The following WDFY2 variants were observed in gnomAD, a reference collection of about 807,000 sequenced individuals.
The protein encoded by WDFY2 is WD repeat and FYVE domain containing 2.
A neutral mutation model predicts 56.4 loss-of-function variants in WDFY2; 36 were observed. That is an observed-to-expected ratio of 0.64 (90% CI 0.49 to 0.84). The LOEUF (loss-of-function observed/expected upper bound fraction) is 0.84, where lower values mean the gene tolerates loss of function less well. WDFY2 is among the 40% of genes least tolerant of loss of function. WDFY2 has a pLI of 0.00. For missense variants in WDFY2, 444 were observed against 512.2 expected, an observed-to-expected ratio of 0.87 and a Z score of 1.29; for synonymous variants, 176 against 183.7, an observed-to-expected ratio of 0.96 and a Z score of 0.34.
intron 7 of WDFY2, 41 bp from the exon 8 acceptor site, chr13:51,751,269 T>C: frequency 6.3e-7 from 1 of 1,595,970 alleles, no homozygotes; most frequent in South Asian, 1.1e-5. Flanking sequence ...GCCTTGCATT[T>C]GTTCTCCTAA....
intron 1 of WDFY2, among the ~76,000 whole-genome samples, chr13:51,651,849 T>G (rs1435796406): frequency 6.6e-6 from 1 of 152,182 alleles, no homozygotes; most frequent in Non-Finnish European, 1.5e-5. Context: ...ATAGGTGTGG[T>G]GTGGTGCTGA....
intron 1 of WDFY2, among the ~76,000 whole-genome samples, chr13:51,624,391 G>A (rs1175577766): frequency 6.6e-6 from 1 of 152,158 alleles, no homozygotes; most frequent in Non-Finnish European, 1.5e-5. Flanking sequence ...CAAGAGTCTT[G>A]TGTGTTGAGT....
chr13:51,731,092 A>G (rs1051076674), intron 6 of WDFY2, among the ~76,000 whole-genome samples: 8 of 152,224 alleles, frequency 5.3e-5, no homozygotes, highest in African/African-American at 1.9e-4. Flanking sequence ...ACAGTGGGAA[A>G]ACAAGGAATG....
At chr13:51,754,530 T>C (rs1362340113) in intron 8 of WDFY2, among the ~76,000 whole-genome samples, 1 of 152,376 alleles carries the variant, frequency 6.6e-6, no homozygotes, top group East Asian at 1.9e-4. Flanking sequence ...TTTGCCCTTT[T>C]GGAGACAGAG....
intron 3 of WDFY2, among the ~76,000 whole-genome samples, chr13:51,693,154 T>G (rs1375387686): frequency 6.6e-6 from 1 of 152,204 alleles, no homozygotes; most frequent in South Asian, 2.1e-4. Context: ...AGCTCCTGGA[T>G]TCATTAATTT....
At chr13:51,643,566 T>C (rs1955214507) in intron 1 of WDFY2, among the ~76,000 whole-genome samples, 1 of 152,196 alleles carries the variant, frequency 6.6e-6, no homozygotes, top group East Asian at 1.9e-4. Context: ...AACACTCTCA[T>C]ATTGTTGAAT....
rs1326500746 is a variant in WDFY2 at position 51,718,382 on chromosome 13, A to G, written c.335-816A>G. On this transcript the variant is annotated intron_variant, in intron 4 of 11. Transcript: ENST00000298125. ...CATTTGGTAACTGAGAAGCTGTAAG[A>G]CCTCAGCCAAACTACTCCACCTCAT... is the stretch of plus-strand genomic sequence containing the variant. Among the ~76,000 whole-genome samples, 3 of 152,110 alleles carry G rather than the reference A, an allele frequency of 2.0e-5. No individual in the cohort carries two copies. In the South Asian group the frequency reaches 6.2e-4, roughly 31 times the overall value.
At chr13:51,737,523 A>C (rs1007241353) in intron 6 of WDFY2, among the ~76,000 whole-genome samples, 1 of 123,598 alleles carries the variant, frequency 8.1e-6, no homozygotes, top group South Asian at 2.8e-4. Context: ...TAGAGCTTCT[A>C]TTCTACTGGG....
intron 6 of WDFY2, among the ~76,000 whole-genome samples, chr13:51,737,551 T>TAAAAAAAAAAAAAAAAA (rs67418551): frequency 1.9e-5 from 1 of 53,246 alleles, no homozygotes; most frequent in Admixed American, 2.2e-4. Context: ...ACAATGAATT[T>TAAAAAAAAAAAAAAAAA]AAAAAAAAAA....
intron 1 of WDFY2, among the ~76,000 whole-genome samples, chr13:51,648,244 C>T (rs1230480254): frequency 1.3e-5 from 2 of 152,152 alleles, no homozygotes; most frequent in African/African-American, 4.8e-5. Context: ...ATAGTTCCCT[C>T]CCATCATCTT....
chr13:51,659,578 C>T (rs897829749), intron 1 of WDFY2, among the ~76,000 whole-genome samples: 1 of 152,110 alleles, frequency 6.6e-6, no homozygotes, highest in Admixed American at 6.5e-5. Flanking sequence ...AATTCATGGT[C>T]GGGCCTTTTT....
At chr13:51,753,115 G>A (rs1953274592) in intron 8 of WDFY2, 1 of 152,266 alleles carries the variant, frequency 6.6e-6, no homozygotes, top group Non-Finnish European at 1.5e-5. Context: ...CCCAGTGAAG[G>A]ATTGAGGGAG....
chr13:51,665,146 G>T (rs1216604801), intron 2 of WDFY2, among the ~76,000 whole-genome samples: 1 of 152,224 alleles, frequency 6.6e-6, no homozygotes, highest in Non-Finnish European at 1.5e-5. Context: ...TCTCTATAGA[G>T]AATTTGGGGA....
intron 4 of WDFY2, among the ~76,000 whole-genome samples, chr13:51,707,400 C>G (rs1015355482): frequency 6.6e-5 from 10 of 152,182 alleles, no homozygotes; most frequent in Admixed American, 5.9e-4. Flanking sequence ...CTCAAGCAAT[C>G]CACCAACCTT....
chr13:51,684,084 A>G (rs764617336), intron 3 of WDFY2, among the ~76,000 whole-genome samples: 52 of 152,190 alleles, frequency 3.4e-4, no homozygotes, highest in Admixed American at 2.4e-3. Flanking sequence ...TTTTATAAAT[A>G]TGTACTCATT....
chr13:51,610,234 T>G (rs1954470643), intron 1 of WDFY2, among the ~76,000 whole-genome samples: 1 of 149,384 alleles, frequency 6.7e-6, no homozygotes. Flanking sequence ...CCAAACTTAT[T>G]TGACTGTTTT....
intron 4 of WDFY2, among the ~76,000 whole-genome samples, chr13:51,707,981 G>C (rs1272636508): frequency 1.1e-5 from 1 of 88,398 alleles, no homozygotes; most frequent in South Asian, 4.1e-4. Flanking sequence ...TGGAGACTGA[G>C]TCTTGCTCTG....
Position 51,766,943 on chromosome 13 carries a change from C to CTGTT in WDFY2, c.*7177_*7180dup, listed in dbSNP as rs1294149165. On this transcript the variant is annotated 3_prime_UTR_variant, in exon 12 of 12. Transcript: ENST00000298125. ...GCTGTCTAGATGCCAGGGAGAGCTG[C>CTGTT]TGTTTGGAGGTGAAGATGAGCCCTG... 1.3e-5 allele frequency: 2 copies of CTGTT among 152,246 alleles called. No individual in the cohort carries two copies. The highest frequency in any genetic ancestry group is 1.9e-4 in the East Asian group (1 of 5,190). 9.4% of individuals were successfully genotyped at this position (152,246 alleles called of 1,614,324 possible).
intron 3 of WDFY2, among the ~76,000 whole-genome samples, chr13:51,687,123 A>G (rs1956074700): frequency 6.7e-6 from 1 of 150,102 alleles, no homozygotes; most frequent in African/African-American, 2.4e-5. Flanking sequence ...TAATATTTTC[A>G]TATATTTTAA....
Sources: gnomAD v4.1 joint callset for allele counts (sites outside exome capture counted in the v4.1 genomes callset) on GRCh38, gnomAD v4.1.1 for gene constraint, MANE v1.5 for transcripts, NCBI Gene and HGNC (gene_info 2026-07-23, HGNC 2026-07-21) for gene names.